Variants in OPCML observed in about 807,000 individuals in gnomAD.
OPCML encodes opioid binding protein/cell adhesion molecule like.
A neutral mutation model predicts 37.8 loss-of-function variants in OPCML; 13 were observed. That is an observed-to-expected ratio of 0.34 (90% CI 0.22 to 0.55). OPCML has a LOEUF of 0.55. Ranked by LOEUF, OPCML falls within the 20% of genes least tolerant of loss-of-function variation. The pLI is 0.91. For synonymous variants in OPCML, 176 were observed against 168.8 expected, an observed-to-expected ratio of 1.04 and a Z score of -0.33; for missense variants, 341 against 435.6, an observed-to-expected ratio of 0.78 and a Z score of 1.93.
intron 1 of OPCML, among the ~76,000 whole-genome samples, chr11:133,201,145 A>G (rs915158436): frequency 6.6e-6 from 1 of 152,184 alleles, no homozygotes; most frequent in African/African-American, 2.4e-5. Flanking sequence ...GGAAGGTGGA[A>G]GGAGGGTAAA....
chr11:133,482,427 T>C (rs1456074284), intron 1 of OPCML, among the ~76,000 whole-genome samples: 3 of 152,082 alleles, frequency 2.0e-5, no homozygotes, highest in Non-Finnish European at 4.4e-5. Flanking sequence ...ACAGCAAAAA[T>C]ATCAACAATG....
chr11:133,451,696 C>T (rs199774834), intron 1 of OPCML, among the ~76,000 whole-genome samples: 4 of 150,790 alleles, frequency 2.7e-5, no homozygotes, highest in African/African-American at 9.9e-5. Flanking sequence ...TACAAAAATT[C>T]GCTGGGTGTG....
intron 2 of OPCML, among the ~76,000 whole-genome samples, chr11:132,812,760 GGTAT>G (rs1193860684): frequency 6.6e-6 from 1 of 152,138 alleles, no homozygotes; most frequent in Non-Finnish European, 1.5e-5. Flanking sequence ...CATAGATTGT[GGTAT>G]TAGTTATCAT....
intron 1 of OPCML, among the ~76,000 whole-genome samples, chr11:133,121,807 A>T (rs1202304759): frequency 2.6e-5 from 4 of 152,176 alleles, no homozygotes; most frequent in African/African-American, 9.6e-5. Flanking sequence ...GACAATCCTT[A>T]AGACCTTCTA....
chr11:132,574,107 C>A (rs917898444), intron 3 of OPCML, among the ~76,000 whole-genome samples: 1 of 151,078 alleles, frequency 6.6e-6, no homozygotes, highest in African/African-American at 2.4e-5. Context: ...ATATTTGAGT[C>A]TTGTCATTTT....
At chr11:133,340,174 C>T (rs1329277966) in intron 1 of OPCML, among the ~76,000 whole-genome samples, 32 of 152,204 alleles carry the variant, frequency 2.1e-4, no homozygotes, top group Non-Finnish European at 1.5e-5. Context: ...ACCCTGCTGC[C>T]CCTGGGCCTT....
At chr11:132,605,805 G>T (rs1486608043) in intron 3 of OPCML, among the ~76,000 whole-genome samples, 1 of 152,132 alleles carries the variant, frequency 6.6e-6, no homozygotes, top group African/African-American at 2.4e-5. Flanking sequence ...AATCTACATA[G>T]TATAGTAGGT....
chr11:133,149,020 C>G (rs1002159521), intron 1 of OPCML, among the ~76,000 whole-genome samples: 8 of 152,174 alleles, frequency 5.3e-5, no homozygotes, highest in Non-Finnish European at 1.5e-5. Context: ...CCCTCACCCA[C>G]TGCCAGCCGT....
chr11:132,534,184 G>A (rs1219065953), intron 3 of OPCML, among the ~76,000 whole-genome samples: 1 of 152,036 alleles, frequency 6.6e-6, no homozygotes, highest in East Asian at 1.9e-4. Flanking sequence ...CCTCAGAGAA[G>A]TCTTTGCTAA....
At chr11:133,035,733 T>C (rs550659004) in intron 1 of OPCML, among the ~76,000 whole-genome samples, 1 of 152,222 alleles carries the variant, frequency 6.6e-6, no homozygotes, top group Admixed American at 6.5e-5. Context: ...TAGGTTAAGG[T>C]GTGGTCGTCA....
intron 7 of OPCML, among the ~76,000 whole-genome samples, chr11:132,431,828 C>T (rs1046259729): frequency 6.6e-6 from 1 of 152,146 alleles, no homozygotes; most frequent in East Asian, 1.9e-4. Flanking sequence ...ACAGACTGAC[C>T]GTCTGTGAGA....
intron 1 of OPCML, chr11:133,024,952 CT>C: frequency 1.0e-6 from 1 of 985,416 alleles, no homozygotes; most frequent in Non-Finnish European, 1.2e-6. Flanking sequence ...CCAATGCGCA[CT>C]GCAGAGCCTA....
intron 1 of OPCML, among the ~76,000 whole-genome samples, chr11:133,333,058 G>C (rs1388293714): frequency 6.6e-6 from 1 of 152,102 alleles, no homozygotes; most frequent in African/African-American, 2.4e-5. Flanking sequence ...AGTAGTAGTA[G>C]TAGTAGTAGT....
chr11:132,433,611 A>G (rs78106810), intron 7 of OPCML, among the ~76,000 whole-genome samples: 437 of 152,292 alleles, frequency 2.9e-3, no homozygotes, highest in African/African-American at 9.9e-3. Context: ...CCGAATGTCT[A>G]TGTTGATGCT....
intron 1 of OPCML, among the ~76,000 whole-genome samples, chr11:133,083,469 A>G (rs1948772663): frequency 2.0e-5 from 3 of 152,180 alleles, no homozygotes; most frequent in Non-Finnish European, 4.4e-5. Context: ...GAAGGGCCAG[A>G]GAGGGGCCAG....
chr11:133,007,707 G>T, intron 1 of OPCML: 1 of 985,436 alleles, frequency 1.0e-6, no homozygotes, highest in Non-Finnish European at 1.2e-6. Flanking sequence ...GCCAGAAAAA[G>T]TTCAGTGTCT....
At position 132,531,999 on chromosome 11, in the gene OPCML, G is replaced by A. The variant is rs189990096; in HGVS notation, c.380-2813C>T. Among the ~76,000 whole-genome samples the A allele has an allele frequency of 2.6e-5, 4 of 152,138 alleles. No individual in the cohort carries two copies. In the East Asian group the frequency reaches 7.7e-4, roughly 29 times the overall value. On this transcript the variant is annotated intron_variant, in intron 3 of 7. Transcript: ENST00000524381. The stretch of plus-strand genomic sequence containing the variant: ...GCTGGGGAAAGCACAGTCAGTGAAT[G>A]GAGACAGCTATGGTGCCTCAGGATA...
chr11:132,922,040 C>A (rs567788039), intron 2 of OPCML, among the ~76,000 whole-genome samples: 2 of 151,824 alleles, frequency 1.3e-5, no homozygotes, highest in Non-Finnish European at 2.9e-5. Flanking sequence ...CCACTGCGCC[C>A]GGCTAATTTT....
At chr11:132,698,318 G>A (rs774343490) in intron 2 of OPCML, among the ~76,000 whole-genome samples, 8 of 152,068 alleles carry the variant, frequency 5.3e-5, no homozygotes, top group Non-Finnish European at 1.2e-4. Flanking sequence ...CTTTTGTCAT[G>A]CTGACAACTG....
Sources: allele counts gnomAD v4.1 joint callset (sites outside exome capture counted in the v4.1 genomes callset), GRCh38; gene constraint gnomAD v4.1.1; transcripts MANE v1.5; gene names NCBI Gene and HGNC (gene_info 2026-07-23, HGNC 2026-07-21).